Variants in LYSMD2 observed in about 807,000 individuals in gnomAD.
The protein encoded by LYSMD2 is lysM and putative peptidoglycan-binding domain-containing protein 2.
LYSMD2 carries 6 observed loss-of-function variants against 17.7 expected under a neutral mutation model. The observed-to-expected ratio is 0.34, with a 90% confidence interval of 0.19 to 0.67. LYSMD2 has a LOEUF of 0.67. Ranked by LOEUF, LYSMD2 falls within the 30% of genes least tolerant of loss-of-function variation. The probability of loss-of-function intolerance (pLI) is 0.69; values close to 1 mark genes in which losing one functional copy is unlikely to be tolerated. For missense variants in LYSMD2, 237 were observed against 286.7 expected, an observed-to-expected ratio of 0.83 and a Z score of 1.25; for synonymous variants, 102 against 129.8, an observed-to-expected ratio of 0.79 and a Z score of 1.45.
At chr15:51,725,800 T>C (rs950216264) in intron 1 of LYSMD2, among the ~76,000 whole-genome samples, 4 of 151,986 alleles carry the variant, frequency 2.6e-5, no homozygotes, top group Admixed American at 2.6e-4. Flanking sequence ...TGTCTGGCAG[T>C]GGATGGTACT....
chr15:51,732,751 C>T (rs1042247738), intron 1 of LYSMD2, among the ~76,000 whole-genome samples: 2 of 152,180 alleles, frequency 1.3e-5, no homozygotes, highest in African/African-American at 4.8e-5. Flanking sequence ...ACAAGCAGAA[C>T]ATTTACAGCA....
chr15:51,741,740 C>T (rs547145687), upstream of LYSMD2, among the ~76,000 whole-genome samples: 2 of 151,912 alleles, frequency 1.3e-5, no homozygotes, highest in African/African-American at 2.4e-5. Flanking sequence ...GCCAACATGG[C>T]GAAACCCCAT....
chr15:51,739,264 C>T (rs1012108081), upstream of LYSMD2, among the ~76,000 whole-genome samples: 8 of 152,154 alleles, frequency 5.3e-5, no homozygotes, highest in African/African-American at 1.7e-4. Flanking sequence ...TCTCCTCCAA[C>T]AAATACGTGC....
In LYSMD2 at chr15:51,737,543, G is replaced by T; in HGVS notation, c.80C>A (p.Pro27Gln). Residue 27 changes from proline to glutamine, a missense_variant, in exon 1 of 3, where the codon CCG (proline) becomes CAG (glutamine). By Grantham distance (76) the Pro-to-Gln change is moderately conservative (BLOSUM62 -1). Transcript: ENST00000267838. The surrounding 1 kb of genome is among the most constrained non-coding windows in gnomAD (Gnocchi z 4.2). ...GGACTCGGAGCCGGAGCGCGAGCGC[G>T]GCGGCGGCGAGGGGGCCGAGGGCCG... ...APRPSAPSPP[P>Q]RSRSGSESEE... is the part of the protein sequence containing the mutation. 3 of 1,231,452 alleles carry T rather than the reference G, an allele frequency of 2.4e-6. No individual in the cohort carries two copies. The highest frequency in any genetic ancestry group is 3.0e-6 in the Non-Finnish European group (3 of 989,906). The allele number at this position is 1,231,452 out of a possible 1,614,324, so 76.3% of individuals were successfully genotyped here. A position where few individuals can be genotyped will look rare whatever the true frequency, so the allele number is the denominator to read the frequency against.
chr15:51,750,566 T>G (rs2055693623), intron 1 of LYSMD2, among the ~76,000 whole-genome samples: 1 of 152,196 alleles, frequency 6.6e-6, no homozygotes, highest in South Asian at 2.1e-4. Context: ...AACCTTAGAC[T>G]GCCAAGATAA....
chr15:51,724,831 C>A lies in LYSMD2; in HGVS notation c.564G>T (p.Lys188Asn), dbSNP rs1027173118. The A allele has an allele frequency of 6.2e-7, 1 of 1,614,002 alleles. No individual in the cohort carries two copies. The highest frequency in any genetic ancestry group is 1.1e-5 in the South Asian group (1 of 91,070). Residue 188 changes from lysine (K) to asparagine (N), a missense_variant, in exon 2 of 3, where the codon AAG becomes AAT. Physicochemically the swap from Lys to Asn is moderately conservative, Grantham distance 94 (BLOSUM62 0). Transcript: ENST00000267838. ...DFLQRLDLQI[K>N]LSTQAAKKLK... Reference sequence around the variant, plus strand: ...GCTTCTTGGCTGCCTGTGTTGATAACTTAATCTGCAAGTCAAGTCTCTGCA... The same window carrying A: ...GCTTCTTGGCTGCCTGTGTTGATAAATTAATCTGCAAGTCAAGTCTCTGCA...
chr15:51,730,905 G>C (rs575206201), intron 1 of LYSMD2, among the ~76,000 whole-genome samples: 1 of 152,282 alleles, frequency 6.6e-6, no homozygotes, highest in South Asian at 2.1e-4. Flanking sequence ...TTACATTCTA[G>C]ATGTTGATGG....
At chr15:51,727,891 G>A (rs1308606965) in intron 1 of LYSMD2, among the ~76,000 whole-genome samples, 1 of 152,144 alleles carries the variant, frequency 6.6e-6, no homozygotes, top group Non-Finnish European at 1.5e-5. Context: ...AGAACACCAG[G>A]GATATTCAGA....
At chr15:51,728,899 A>T (rs1353485132) in intron 1 of LYSMD2, among the ~76,000 whole-genome samples, 2 of 152,144 alleles carry the variant, frequency 1.3e-5, no homozygotes, top group African/African-American at 2.4e-5. Context: ...TTTCTCCCCC[A>T]AAGTAAGAAT....
At chr15:51,737,776 C>T (rs1037519888), upstream of LYSMD2, 1 of 515,262 alleles carries the variant, frequency 1.9e-6, no homozygotes, top group Non-Finnish European at 2.9e-6. This position sits in a 1 kb window ranked among gnomAD's most constrained non-coding sequence, Gnocchi z 4.2. Context: ...GAGCCGCAGG[C>T]CGGGCATGGC....
At chr15:51,743,975 G>A (rs1191705136) in intron 1 of LYSMD2, among the ~76,000 whole-genome samples, 1 of 151,938 alleles carries the variant, frequency 6.6e-6, no homozygotes, top group Non-Finnish European at 1.5e-5. Flanking sequence ...CTACAATCTT[G>A]TTATAATCAT....
chr15:51,737,881 C>T (rs981016613), upstream of LYSMD2: 11 of 264,274 alleles, frequency 4.2e-5, no homozygotes, highest in South Asian at 1.7e-4. This position sits in a 1 kb window ranked among gnomAD's most constrained non-coding sequence, Gnocchi z 4.2. Flanking sequence ...CGCGGCCTGC[C>T]GGTACCGGGA....
At chr15:51,743,276 G>C (rs914266956) in intron 1 of LYSMD2, among the ~76,000 whole-genome samples, 3 of 152,064 alleles carry the variant, frequency 2.0e-5, no homozygotes, top group African/African-American at 7.2e-5. Context: ...GCACCCAGTG[G>C]GCTGATTCAT....
chr15:51,743,821 G>C (rs541962720), intron 1 of LYSMD2, among the ~76,000 whole-genome samples: 16 of 152,154 alleles, frequency 1.1e-4, no homozygotes, highest in African/African-American at 3.9e-4. Context: ...TCTTCACATA[G>C]ATATTGTATG....
At chr15:51,731,942 C>T (rs568414538) in intron 1 of LYSMD2, among the ~76,000 whole-genome samples, 3 of 152,258 alleles carry the variant, frequency 2.0e-5, no homozygotes, top group Non-Finnish European at 2.9e-5. Flanking sequence ...AGCAAGTTTA[C>T]GTCTGAGGTT....
chr15:51,736,178 C>A (rs1298276413), intron 1 of LYSMD2, among the ~76,000 whole-genome samples: 1 of 152,232 alleles, frequency 6.6e-6, no homozygotes, highest in Non-Finnish European at 1.5e-5. Context: ...AAGACAAACG[C>A]AATGCCTGCC....
At chr15:51,728,102 A>AT (rs1357690595) in intron 1 of LYSMD2, among the ~76,000 whole-genome samples, 1 of 152,142 alleles carries the variant, frequency 6.6e-6, no homozygotes, top group Non-Finnish European at 1.5e-5. Flanking sequence ...TCCTCTCCAT[A>AT]TATCATAATG....
In LYSMD2 at chr15:51,735,027, T is replaced by C. The variant is rs1377028137; in HGVS notation, c.273+2323A>G. On this transcript the variant is annotated intron_variant, in intron 1 of 2. Transcript: ENST00000267838. ...CCATTTCTACAAAAAATACAAAAAT[T>C]AGCTGGGCATGTGGCTTGAGCCTGT... 2.6e-5 allele frequency among the ~76,000 whole-genome samples: 4 copies of C among 151,874 alleles called. No individual in the cohort carries two copies. In the East Asian group the frequency reaches 7.7e-4, roughly 29 times the overall value.
At chr15:51,730,177 A>G (rs537577645) in intron 1 of LYSMD2, among the ~76,000 whole-genome samples, 1 of 152,334 alleles carries the variant, frequency 6.6e-6, no homozygotes, top group African/African-American at 2.4e-5. Context: ...AATTAGGTAG[A>G]ACAACTGCCA....
Sources: gnomAD v4.1 joint callset for allele counts (sites outside exome capture counted in the v4.1 genomes callset) on GRCh38, gnomAD v4.1.1 for gene constraint, Gnocchi (gnomAD v3.1) non-coding constraint, MANE v1.5 for transcripts, NCBI Gene and HGNC (gene_info 2026-07-23, HGNC 2026-07-21) for gene names.